Variants in TVP23A observed in about 807,000 individuals in gnomAD.
TVP23A encodes the protein Golgi apparatus membrane protein TVP23 homolog A.
TVP23A carries 21 observed loss-of-function variants against 31.7 expected under a neutral mutation model. The observed-to-expected ratio is 0.66, with a 90% CI of 0.47 to 0.95. The LOEUF (loss-of-function observed/expected upper bound fraction) is 0.95. Ranked by LOEUF, TVP23A falls within the 40% of genes least tolerant of loss-of-function variation. TVP23A has a pLI of 0.00. For missense variants in TVP23A, 279 were observed against 255.6 expected (o/e 1.09, Z -0.62); for synonymous variants, 104 against 96.0 (o/e 1.08, Z -0.49).
At chr16:10,773,664 G>A (rs2031790657) in intron 4 of TVP23A, among the ~76,000 whole-genome samples, 1 of 152,128 alleles carries the variant, frequency 6.6e-6, no homozygotes, top group Non-Finnish European at 1.5e-5. Context: ...TCCGCCTCCT[G>A]GGTTCAAGTG....
intron 3 of TVP23A, among the ~76,000 whole-genome samples, chr16:10,774,408 T>A (rs1232116006): frequency 6.6e-6 from 1 of 152,072 alleles, no homozygotes; most frequent in Non-Finnish European, 1.5e-5. Context: ...AGTGATATGG[T>A]TTGGCTGTCT....
At position 10,818,651 on chromosome 16, in the gene TVP23A, T is replaced by G; in HGVS notation, c.-158A>C. 1 of 927,538 alleles carries G rather than the reference T, an allele frequency of 1.1e-6. No homozygotes were observed. 57.5% of individuals were successfully genotyped at this position (927,538 alleles called of 1,614,324 possible). On this transcript the variant is annotated 5_prime_UTR_variant, in exon 1 of 8. Transcript: ENST00000299866. The surrounding 1 kb of genome is among the most constrained non-coding windows in gnomAD (Gnocchi z 4.7). ...TGTGGGGCAGCCTCAGCGCAGCTTC[T>G]CGGGTGGGGCGGGGCGCTCGGGGCC... is the stretch of plus-strand genomic sequence containing the variant.
downstream of TVP23A, chr16:10,763,635 A>T (rs1355223408): frequency 6.6e-6 from 1 of 152,364 alleles, no homozygotes; most frequent in Non-Finnish European, 1.5e-5. Context: ...GGCTGCATGA[A>T]TGGATGTGAT....
At chr16:10,813,733 T>C (rs1291632333) in intron 2 of TVP23A, among the ~76,000 whole-genome samples, 1 of 152,072 alleles carries the variant, frequency 6.6e-6, no homozygotes, top group Non-Finnish European at 1.5e-5. Context: ...AGGCCGGGCA[T>C]GGTGGCTCAC....
chr16:10,768,784 C>T lies in TVP23A; in HGVS notation c.*318G>A. 1 of 390,296 alleles carries T rather than the reference C, an allele frequency of 2.6e-6. No homozygotes were observed. The highest frequency in any genetic ancestry group is 4.6e-6 in the Non-Finnish European group (1 of 219,160). 24.2% of individuals were successfully genotyped at this position (390,296 alleles called of 1,614,324 possible). The stretch of plus-strand genomic sequence containing the variant: ...TTTTACTTGCCTAGAAGAATGATGT[C>T]AAGGGTAAGGAAACAGCATTCCCAG... On this transcript the variant is annotated 3_prime_UTR_variant, in exon 8 of 8. Transcript: ENST00000299866. The surrounding 1 kb of genome is among the most constrained non-coding windows in gnomAD (Gnocchi z 4.3).
chr16:10,787,916 G>T (rs879374182), intron 2 of TVP23A, among the ~76,000 whole-genome samples: 1 of 152,034 alleles, frequency 6.6e-6, no homozygotes, highest in Non-Finnish European at 1.5e-5. Flanking sequence ...GTCAGATGCC[G>T]GAGGCTTTCA....
downstream of TVP23A, among the ~76,000 whole-genome samples, chr16:10,763,079 G>C (rs2142775816): frequency 6.6e-6 from 1 of 152,222 alleles, no homozygotes; most frequent in African/African-American, 2.4e-5. Context: ...GGTTGTCCCT[G>C]CTGCCAGTAC....
chr16:10,787,095 C>T (rs1027379305), intron 2 of TVP23A, among the ~76,000 whole-genome samples: 4 of 152,166 alleles, frequency 2.6e-5, no homozygotes, highest in African/African-American at 7.2e-5. Flanking sequence ...AATGCCCAAC[C>T]CTCCCTGCAC....
intron 2 of TVP23A, among the ~76,000 whole-genome samples, chr16:10,807,338 C>A (rs183139360): frequency 6.6e-6 from 1 of 152,252 alleles, no homozygotes; most frequent in East Asian, 1.9e-4. Flanking sequence ...CCTTCCTTGC[C>A]CCCCACACCT....
chr16:10,760,508 G>A (rs1318128658), downstream of TVP23A, among the ~76,000 whole-genome samples: 1 of 152,238 alleles, frequency 6.6e-6, no homozygotes, highest in Non-Finnish European at 1.5e-5. Context: ...CACTCTGGGA[G>A]GCCGAGGCAG....
downstream of TVP23A, among the ~76,000 whole-genome samples, chr16:10,762,508 C>G (rs11641556): frequency 7.2e-5 from 11 of 151,942 alleles, no homozygotes; most frequent in East Asian, 5.8e-4. Flanking sequence ...GGCCTACACT[C>G]GAAGCTGCTC....
At chr16:10,769,214 C>A in intron 7 of TVP23A, 113 bp from the exon 8 acceptor site, 1 of 921,780 alleles carries the variant, frequency 1.1e-6, no homozygotes, top group South Asian at 1.4e-5. Context: ...AGCAAAAGGA[C>A]CAGATGCTGG....
At chr16:10,806,079 C>A (rs1173281280) in intron 2 of TVP23A, among the ~76,000 whole-genome samples, 1 of 152,198 alleles carries the variant, frequency 6.6e-6, no homozygotes, top group Admixed American at 6.5e-5. Context: ...CGGTGGCTCA[C>A]GCCCTTAATC....
intron 2 of TVP23A, among the ~76,000 whole-genome samples, chr16:10,781,850 CTTTTTTTTTTTTT>C (rs144933462): frequency 6.6e-5 from 6 of 90,948 alleles, no homozygotes; most frequent in South Asian, 3.6e-4. Flanking sequence ...CTAACACAAT[CTTTTTTTTTTTTT>C]TTTTTTTTTT....
At chr16:10,790,483 C>T (rs1200345814) in intron 2 of TVP23A, among the ~76,000 whole-genome samples, 1 of 152,018 alleles carries the variant, frequency 6.6e-6, no homozygotes, top group African/African-American at 2.4e-5. Context: ...GACAGGGTTT[C>T]ACCGTGTTAG....
intron 2 of TVP23A, among the ~76,000 whole-genome samples, chr16:10,801,568 T>A (rs2033695864): frequency 6.6e-6 from 1 of 152,130 alleles, no homozygotes; most frequent in Admixed American, 6.5e-5. Context: ...GCGATTCTCA[T>A]CCCTCAGCCT....
At chr16:10,794,753 G>T (rs1380546113) in intron 2 of TVP23A, among the ~76,000 whole-genome samples, 1 of 152,160 alleles carries the variant, frequency 6.6e-6, no homozygotes, top group Admixed American at 6.6e-5. Context: ...CCTGGTAGGG[G>T]TCTGTGTCTG....
chr16:10,764,616 T>A (rs1245266749), downstream of TVP23A, among the ~76,000 whole-genome samples: 2 of 151,516 alleles, frequency 1.3e-5, no homozygotes, highest in African/African-American at 4.9e-5. Context: ...TGCTGGAGTA[T>A]GTCAGTCTAT....
intron 5 of TVP23A, 73 bp downstream of exon 5, chr16:10,773,240 C>T: frequency 2.7e-6 from 4 of 1,502,156 alleles, no homozygotes; most frequent in Non-Finnish European, 3.6e-6. Context: ...CAAATAACAA[C>T]AAAAGCCTAG....
Sources: allele counts gnomAD v4.1 joint callset (sites outside exome capture counted in the v4.1 genomes callset), GRCh38; gene constraint gnomAD v4.1.1; non-coding constraint Gnocchi (gnomAD v3.1); transcripts MANE v1.5; gene names NCBI Gene and HGNC (gene_info 2026-07-23, HGNC 2026-07-21).